The following GNL3L variants were observed in gnomAD, a reference collection of about 807,000 sequenced individuals.
GNL3L encodes the protein G protein nucleolar 3 like, also known as guanine nucleotide-binding protein-like 3-like protein.
A neutral mutation model predicts 42.9 loss-of-function variants in GNL3L; 4 were observed. That is an observed-to-expected ratio of 0.09 (90% CI 0.05 to 0.21). The LOEUF (loss-of-function observed/expected upper bound fraction) is 0.21. GNL3L is among the 10% of genes least tolerant of loss of function. The probability of loss-of-function intolerance (pLI) is 1.00; values close to 1 mark genes in which losing one functional copy is unlikely to be tolerated. For synonymous variants in GNL3L, 159 were observed against 176.3 expected (o/e 0.90, Z 0.78); for missense variants, 412 against 481.7 (o/e 0.86, Z 1.36).
intron 16 of GNL3L, among the ~76,000 whole-genome samples, chrX:54,590,869 C>T (rs1281328297): frequency 1.8e-5 from 2 of 110,621 alleles, no homozygotes; most frequent in African/African-American, 6.6e-5. Context: ...CTTGCTCTGT[C>T]GCCCAGGCTG....
the GNL3L span, among the ~76,000 whole-genome samples, chrX:54,640,994 GAGAC>G: frequency 8.9e-6 from 1 of 111,872 alleles, no homozygotes; most frequent in East Asian, 2.8e-4. Flanking sequence ...TTGCCTCACT[GAGAC>G]AGGGAATCTG....
At chrX:54,640,151 A>G in the GNL3L span, among the ~76,000 whole-genome samples, 11 of 111,367 alleles carry the variant, frequency 9.9e-5, no homozygotes, top group Middle Eastern at 4.6e-3. Context: ...CATCCCAGAG[A>G]AAGAGTTGTG....
intron 2 of GNL3L, among the ~76,000 whole-genome samples, chrX:54,534,288 G>A (rs1238581062): frequency 9.1e-6 from 1 of 110,341 alleles, no homozygotes; most frequent in Non-Finnish European, 1.9e-5. Flanking sequence ...ACGTGTGGCA[G>A]TGAAAACAAC....
chrX:54,572,178 G>A (rs1364300653), downstream of GNL3L, among the ~76,000 whole-genome samples: 2 of 107,893 alleles, frequency 1.9e-5, no homozygotes, highest in Non-Finnish European at 3.9e-5. Context: ...GTGTCCCTGG[G>A]TACTTGAGAT....
intron 16 of GNL3L, among the ~76,000 whole-genome samples, chrX:54,595,034 T>A (rs1925915935): frequency 8.9e-6 from 1 of 112,429 alleles, no homozygotes; most frequent in Non-Finnish European, 1.9e-5. Flanking sequence ...TCATTTTACT[T>A]ACGATAAGAG....
At chrX:54,534,081 A>G (rs868311250) in intron 2 of GNL3L, among the ~76,000 whole-genome samples, 7 of 86,232 alleles carry the variant, frequency 8.1e-5, no homozygotes, top group Admixed American at 2.2e-4. Flanking sequence ...GGGTCTTTCT[A>G]TGTTGTCCAG....
chrX:54,577,117 G>A (rs1009069063), intron 16 of GNL3L, among the ~76,000 whole-genome samples: 1 of 111,875 alleles, frequency 8.9e-6, no homozygotes, highest in African/African-American at 3.3e-5. Context: ...TTAAGAATTT[G>A]ACTATTCTAG....
At position 54,565,022 on chromosome X, in the gene GNL3L, A is replaced by C. The variant is rs1290721206; in HGVS notation, c.*4420A>C. Among the ~76,000 whole-genome samples the C allele has an allele frequency of 9.0e-6, 1 of 111,012 alleles. No homozygotes were observed. The highest frequency in any genetic ancestry group is 3.3e-5 in the African/African-American group (1 of 30,511). On this transcript the variant is annotated 3_prime_UTR_variant, in exon 16 of 16. Transcript: ENST00000360845. ...AGTGCTGGGATTATAGGCATGAACC[A>C]CCGTGTCCGGCCATATATTTTCGTC...
intron 5 of GNL3L, 40 bp downstream of exon 5, chrX:54,541,429 A>G: frequency 1.1e-6 from 1 of 875,565 alleles, no homozygotes; most frequent in Non-Finnish European, 1.7e-6. Context: ...GTTTGCTCAA[A>G]GCATCTTTTG....
chrX:54,567,297 G>A (rs1925459789), downstream of GNL3L, among the ~76,000 whole-genome samples: 1 of 110,045 alleles, frequency 9.1e-6, no homozygotes, highest in Non-Finnish European at 1.9e-5. Flanking sequence ...TAATATATAT[G>A]TCTGCATTTT....
rs1199137622 is a variant in GNL3L, at chrX:54,564,398, T to TTC, written c.*3800_*3801dup. On this transcript the variant is annotated 3_prime_UTR_variant, in exon 16 of 16. Coordinates refer to ENST00000360845, the MANE Select transcript of GNL3L (RefSeq NM_001184819.2). ...TGGCAGTCACTGGTTTTTTTCTTCG[T>TTC]TCTCTTTTTTTTTTTTTTTTTTTTG... 1.0e-5 allele frequency among the ~76,000 whole-genome samples: 1 copy of TTC among 95,622 alleles called. No individual in the cohort carries two copies. Among genetic ancestry groups the TTC allele is most frequent in the Non-Finnish European group, 2.0e-5 (1 of 49,218 alleles). 83.0% of individuals were successfully genotyped at this position (95,622 alleles called of 115,157 possible).
Position 54,564,342 on chromosome X carries a change from T to A in GNL3L, c.*3740T>A, listed in dbSNP as rs984212157. Among the ~76,000 whole-genome samples the A allele has an allele frequency of 7.3e-5, 8 of 109,371 alleles. No individual in the cohort carries two copies. The East Asian group carries it at 2.3e-3, about 31-fold the overall frequency. The allele number at this position is 109,371 out of a possible 115,157, so 95.0% of individuals were successfully genotyped here. ...TACCAAATTTATTCCTGCTACTTTG[T>A]AGTCAAAACCAGTCCCCTACACCCA... is the stretch of plus-strand genomic sequence containing the variant. On this transcript the variant is annotated 3_prime_UTR_variant, in exon 16 of 16. Transcript: ENST00000360845.
At chrX:54,633,784 T>C in the GNL3L span, among the ~76,000 whole-genome samples, 3 of 112,487 alleles carry the variant, frequency 2.7e-5, no homozygotes, top group South Asian at 1.1e-3. Context: ...AGAGCTGAAT[T>C]TGTATCCAGG....
chrX:54,633,107 G>A, the GNL3L span, among the ~76,000 whole-genome samples: 1 of 111,388 alleles, frequency 9.0e-6, no homozygotes, highest in Non-Finnish European at 1.9e-5. Flanking sequence ...CCATCTTCGG[G>A]TCTCTTAGCC....
chrX:54,644,353 A>G, the GNL3L span, among the ~76,000 whole-genome samples: 7 of 112,321 alleles, frequency 6.2e-5, no homozygotes, highest in Non-Finnish European at 1.3e-4. Flanking sequence ...AAAATTATGT[A>G]TTAAAAATGA....
chrX:54,555,442 T>A (rs1470149186), intron 14 of GNL3L, among the ~76,000 whole-genome samples: 1 of 109,490 alleles, frequency 9.1e-6, no homozygotes, highest in Non-Finnish European at 1.9e-5. Context: ...CCTCACTTAC[T>A]TGGACATATG....
chrX:54,545,465 C>G lies in GNL3L; in HGVS notation c.630+1139C>G, dbSNP rs770693956. Among the ~76,000 whole-genome samples, 16 of 111,257 alleles carry G rather than the reference C, an allele frequency of 1.4e-4. 1 individual carries two copies. The highest frequency in any genetic ancestry group is 1.7e-4 in the Non-Finnish European group (9 of 53,076). ...AGGTGATCTACCAGCCTTGGCTTCC[C>G]AAAATGCTAGGATTATAGCTGTGAG... On this transcript the variant is annotated intron_variant, in intron 8 of 15. Transcript: ENST00000360845.
intron 16 of GNL3L, among the ~76,000 whole-genome samples, chrX:54,590,821 C>T (rs182341284): frequency 2.3e-4 from 25 of 107,292 alleles, no homozygotes; most frequent in African/African-American, 3.5e-4. Flanking sequence ...TTTATTTATT[C>T]ATTCATTCAT....
At chrX:54,596,909 G>C (rs1321704353) in intron 16 of GNL3L, among the ~76,000 whole-genome samples, 2 of 111,045 alleles carry the variant, frequency 1.8e-5, no homozygotes, top group Non-Finnish European at 3.8e-5. Flanking sequence ...AAGTCAGTTT[G>C]TGGTAAATGC....
Sources: allele counts gnomAD v4.1 joint callset (sites outside exome capture counted in the v4.1 genomes callset), GRCh38; gene constraint gnomAD v4.1.1; transcripts MANE v1.5; gene names NCBI Gene and HGNC (gene_info 2026-07-23, HGNC 2026-07-21).